The following PCDHGA6 variants were observed in gnomAD, a reference collection of about 807,000 sequenced individuals.
PCDHGA6 encodes protocadherin gamma subfamily A, 6, also known as protocadherin gamma-A6.
Under a neutral mutation model 60.6 loss-of-function variants are expected in PCDHGA6, and 41 were observed. The observed-to-expected ratio is 0.68, with a 90% CI of 0.53 to 0.88. The LOEUF is 0.88. Ranked by LOEUF, PCDHGA6 falls within the 40% of genes least tolerant of loss-of-function variation. The probability of loss-of-function intolerance (pLI) is 0.00; values close to 1 mark genes in which losing one functional copy is unlikely to be tolerated. For synonymous variants in PCDHGA6, 594 were observed against 524.4 expected, an observed-to-expected ratio of 1.13 and a Z score of -1.81; for missense variants, 1,312 against 1,203.0, an observed-to-expected ratio of 1.09 and a Z score of -1.34.
At chr5:141,458,987 C>A (rs2098958554) in intron 1 of PCDHGA6, among the ~76,000 whole-genome samples, 1 of 152,168 alleles carries the variant, frequency 6.6e-6, no homozygotes, top group Non-Finnish European at 1.5e-5. Context: ...CCTGCCTCAC[C>A]CTCCCAAAGT....
intron 1 of PCDHGA6, chr5:141,399,493 A>G (rs2093820399): frequency 1.2e-6 from 2 of 1,614,036 alleles, no homozygotes; most frequent in African/African-American, 2.7e-5. Context: ...CTACTTAGTC[A>G]GTGTACCCGA....
intron 1 of PCDHGA6, among the ~76,000 whole-genome samples, chr5:141,474,990 A>G (rs1245269630): frequency 6.6e-6 from 1 of 152,222 alleles, no homozygotes; most frequent in African/African-American, 2.4e-5. Context: ...GGTGACAACA[A>G]TTCTAAATGC....
chr5:141,420,540 A>G, intron 1 of PCDHGA6: 1 of 306,814 alleles, frequency 3.3e-6, no homozygotes, highest in Non-Finnish European at 5.7e-6. Context: ...AAAAATATAA[A>G]ATACAGGTAT....
intron 1 of PCDHGA6, chr5:141,433,160 A>G: frequency 1.9e-6 from 3 of 1,613,848 alleles, no homozygotes; most frequent in Middle Eastern, 1.7e-4. Context: ...GGTATTTTCT[A>G]AAGACAGTCA....
At position 141,476,499 on chromosome 5, in the gene PCDHGA6, T is replaced by A. The variant is rs763373223; in HGVS notation, c.2425-18308T>A. On this transcript the variant is annotated intron_variant, in intron 1 of 3. Coordinates refer to ENST00000517434, the MANE Select transcript of PCDHGA6 (RefSeq NM_018919.3). This position sits in a 1 kb window ranked among gnomAD's most constrained non-coding sequence, Gnocchi z 7.6. Reference sequence around the variant, plus strand: ...AGCGTGGAAGTGGTGATCCAGGACATCAACGACAACAATCCTGCTTTCCCT... The same window carrying A: ...AGCGTGGAAGTGGTGATCCAGGACAACAACGACAACAATCCTGCTTTCCCT... 3.1e-6 allele frequency: 5 copies of A among 1,613,992 alleles called. No individual in the cohort carries two copies. The South Asian group carries it at 5.5e-5, about 18-fold the overall frequency.
chr5:141,401,283 G>A (rs751622626), intron 1 of PCDHGA6, among the ~76,000 whole-genome samples: 2 of 152,044 alleles, frequency 1.3e-5, no homozygotes, highest in Non-Finnish European at 2.9e-5. Flanking sequence ...TGGAGGTTGC[G>A]GTGAGCCGAG....
At chr5:141,478,142 G>C in intron 1 of PCDHGA6, 1 of 1,613,988 alleles carries the variant, frequency 6.2e-7, no homozygotes, top group South Asian at 1.1e-5. Flanking sequence ...AGCCCGAGCC[G>C]AGTTCCCCTC....
chr5:141,457,337 TTAC>T (rs1446765287), intron 1 of PCDHGA6, among the ~76,000 whole-genome samples: 2 of 152,202 alleles, frequency 1.3e-5, no homozygotes, highest in Non-Finnish European at 2.9e-5. Flanking sequence ...GGTACCTTAC[TTAC>T]TTTCATTACC....
At chr5:141,500,469 AAAG>A (rs1479386829) in intron 2 of PCDHGA6, among the ~76,000 whole-genome samples, 1 of 152,052 alleles carries the variant, frequency 6.6e-6, no homozygotes, top group Non-Finnish European at 1.5e-5. Context: ...TCGGCCTCCC[AAAG>A]TGCTGGGATT....
rs1419377760 is a variant in PCDHGA6 at position 141,418,687 on chromosome 5, GATCACTT to G, written c.2424+42183_2424+42189del. ...ACCAGGACGAGGGCATCAACTCAGA[GATCACTT>G]ATTCCTTCTTTGGTGTGGCTGACAA... On this transcript the variant is annotated intron_variant, in intron 1 of 3. Transcript: ENST00000517434. 6 of 1,613,928 alleles carry G rather than the reference GATCACTT, an allele frequency of 3.7e-6. No individual in the cohort carries two copies. In the African/African-American group the frequency reaches 8.0e-5, roughly 22 times the overall value.
rs532517723 is a variant in PCDHGA6, at chr5:141,486,244, A to G, written c.2425-8563A>G. The G allele has an allele frequency of 1.2e-5, 19 of 1,614,068 alleles. No homozygotes were observed. The Admixed American group carries it at 2.3e-4, about 20-fold the overall frequency. On this transcript the variant is annotated intron_variant, in intron 1 of 3. Coordinates refer to ENST00000517434, the MANE Select transcript of PCDHGA6 (RefSeq NM_018919.3). This position sits in a 1 kb window ranked among gnomAD's most constrained non-coding sequence, Gnocchi z 5.0. ...ACATCACAGTGACCTCAGAGCTTGGAACCCTCCCCGAGAGTGCAGAACCTG... is the reference window on the plus strand; with the variant it reads ...ACATCACAGTGACCTCAGAGCTTGGGACCCTCCCCGAGAGTGCAGAACCTG...
rs575872277 is a variant in PCDHGA6, at chr5:141,511,848, G to A, written c.*675G>A. The A allele has an allele frequency of 6.4e-6, 1 of 156,684 alleles. No individual in the cohort carries two copies. The highest frequency in any genetic ancestry group is 2.0e-4 in the South Asian group (1 of 5,078). The allele number at this position is 156,684 out of a possible 1,614,324, so 9.7% of individuals were successfully genotyped here. A position where few individuals can be genotyped will look rare whatever the true frequency, so the allele number is the denominator to read the frequency against. ...GCCCTGGGGACCAGTCTTCTGTTTT[G>A]TTTTTCATTGTTTGACGTTTCCACT... On this transcript the variant is annotated 3_prime_UTR_variant, in exon 4 of 4. Transcript: ENST00000517434.
Position 141,477,102 on chromosome 5 carries a change from C to T in PCDHGA6, c.2425-17705C>T. 2.5e-6 allele frequency: 4 copies of T among 1,614,232 alleles called. No homozygotes were observed. The South Asian group carries it at 4.4e-5, about 18-fold the overall frequency. On this transcript the variant is annotated intron_variant, in intron 1 of 3. Coordinates refer to ENST00000517434, the MANE Select transcript of PCDHGA6 (RefSeq NM_018919.3). This position sits in a 1 kb window ranked among gnomAD's most constrained non-coding sequence, Gnocchi z 4.9. Reference sequence around the variant, plus strand: ...TACATCCAGGCCAAAGACAAGGGCGCCAATCCCGAAGGAGCACATTGCAAA... The same window carrying T: ...TACATCCAGGCCAAAGACAAGGGCGTCAATCCCGAAGGAGCACATTGCAAA...
At position 141,389,005 on chromosome 5, in the gene PCDHGA6, C is replaced by T. The variant is rs757594459; in HGVS notation, c.2424+12498C>T. 81 of 1,613,780 alleles carry T rather than the reference C, an allele frequency of 5.0e-5. No individual in the cohort carries two copies. Among genetic ancestry groups the T allele is most frequent in the Non-Finnish European group, 6.7e-5 (79 of 1,179,858 alleles). On this transcript the variant is annotated intron_variant, in intron 1 of 3. Transcript: ENST00000517434. The stretch of plus-strand genomic sequence containing the variant: ...TTGCTCAAAGTCCGTGACAAGGATT[C>T]CAGACACAATGGAGAAGTGACTTGT...
At chr5:141,378,359 C>G (rs1254608030) in intron 1 of PCDHGA6, 1 of 152,222 alleles carries the variant, frequency 6.6e-6, no homozygotes, top group Non-Finnish European at 1.5e-5. Context: ...CCCGTCTCTA[C>G]TAAAAATACA....
chr5:141,480,970 A>C (rs1189003084), intron 1 of PCDHGA6, among the ~76,000 whole-genome samples: 1 of 152,120 alleles, frequency 6.6e-6, no homozygotes, highest in Non-Finnish European at 1.5e-5. Flanking sequence ...AGTGAGGGAG[A>C]ATCAGTGAAC....
chr5:141,448,763 A>AC (rs1372638258), intron 1 of PCDHGA6, among the ~76,000 whole-genome samples: 11 of 151,572 alleles, frequency 7.3e-5, no homozygotes, highest in Admixed American at 5.3e-4. Flanking sequence ...ACACGGTGAA[A>AC]CCCCGTCTGT....
At chr5:141,474,892 A>G (rs1419975508) in intron 1 of PCDHGA6, among the ~76,000 whole-genome samples, 1 of 152,208 alleles carries the variant, frequency 6.6e-6, no homozygotes, top group Non-Finnish European at 1.5e-5. Context: ...TTAGAGGTTC[A>G]TTTCTTGTTC....
chr5:141,420,846 T>C (rs2096528755), intron 1 of PCDHGA6, among the ~76,000 whole-genome samples: 1 of 152,252 alleles, frequency 6.6e-6, no homozygotes, highest in Non-Finnish European at 1.5e-5. Context: ...GTGTTCTTGG[T>C]AAAGTTTTAA....
Sources: gnomAD v4.1 joint callset for allele counts (sites outside exome capture counted in the v4.1 genomes callset) on GRCh38, gnomAD v4.1.1 for gene constraint, Gnocchi (gnomAD v3.1) non-coding constraint, MANE v1.5 for transcripts, NCBI Gene and HGNC (gene_info 2026-07-23, HGNC 2026-07-21) for gene names.